The following CAMK1D variants were observed in gnomAD, a reference collection of about 807,000 sequenced individuals.
CAMK1D encodes calcium/calmodulin dependent protein kinase ID, also known as calcium/calmodulin-dependent protein kinase type 1D.
Under a neutral mutation model 47.7 loss-of-function variants are expected in CAMK1D, and 9 were observed. That is an observed-to-expected ratio of 0.19 (90% CI 0.11 to 0.33). The LOEUF (loss-of-function observed/expected upper bound fraction) is 0.33. Ranked by LOEUF, CAMK1D falls within the 10% of genes least tolerant of loss-of-function variation. CAMK1D has a pLI of 1.00. For missense variants in CAMK1D, 291 were observed against 488.7 expected, an observed-to-expected ratio of 0.60 and a Z score of 3.81; for synonymous variants, 184 against 184.9, an observed-to-expected ratio of 0.99 and a Z score of 0.04.
chr10:12,733,474 G>A (rs1046033373), intron 3 of CAMK1D, among the ~76,000 whole-genome samples: 1 of 152,172 alleles, frequency 6.6e-6, no homozygotes, highest in African/African-American at 2.4e-5. Flanking sequence ...AACACTTCCT[G>A]GCATAGAGTG....
chr10:12,735,873 T>G (rs1835164979), intron 3 of CAMK1D, among the ~76,000 whole-genome samples: 1 of 152,110 alleles, frequency 6.6e-6, no homozygotes, highest in Non-Finnish European at 1.5e-5. Flanking sequence ...GAGAGATGGC[T>G]GGCACCACAC....
At chr10:12,404,109 G>A (rs1206182251) in intron 1 of CAMK1D, among the ~76,000 whole-genome samples, 3 of 151,484 alleles carry the variant, frequency 2.0e-5, no homozygotes, top group Non-Finnish European at 2.9e-5. Flanking sequence ...GCAATGGTGT[G>A]ATCTCACCTC....
At chr10:12,643,928 T>C (rs1195837151) in intron 2 of CAMK1D, among the ~76,000 whole-genome samples, 1 of 151,840 alleles carries the variant, frequency 6.6e-6, no homozygotes, top group Non-Finnish European at 1.5e-5. Flanking sequence ...TGTTACTGTC[T>C]CCCATCACCC....
At chr10:12,508,533 A>G (rs1025144396) in intron 1 of CAMK1D, among the ~76,000 whole-genome samples, 1 of 152,230 alleles carries the variant, frequency 6.6e-6, no homozygotes, top group Non-Finnish European at 1.5e-5. Flanking sequence ...CACAGTTCCC[A>G]TTGGGAAGAT....
At chr10:12,667,169 T>C (rs1350226531) in intron 3 of CAMK1D, among the ~76,000 whole-genome samples, 3 of 152,224 alleles carry the variant, frequency 2.0e-5, no homozygotes, top group African/African-American at 7.2e-5. Context: ...TGCTCCTGTC[T>C]CTAGGAGAAA....
rs1024786663 is a variant in CAMK1D, at chr10:12,829,413, G to A, written c.*526G>A. On this transcript the variant is annotated 3_prime_UTR_variant, in exon 11 of 11. Transcript: ENST00000619168. ...AAGAGATTTGTTTTTCCTCAAAGGA[G>A]AATTTAAAGGTATTTTTTAAAATTC... 1.2e-4 allele frequency: 18 copies of A among 152,466 alleles called. No homozygotes were observed. The highest frequency in any genetic ancestry group is 4.1e-4 in the African/African-American group (17 of 41,394). The allele number at this position is 152,466 out of a possible 1,614,324, so 9.4% of individuals were successfully genotyped here. A position where few individuals can be genotyped will look rare whatever the true frequency, so the allele number is the denominator to read the frequency against.
intron 3 of CAMK1D, among the ~76,000 whole-genome samples, chr10:12,709,471 C>G (rs1833856066): frequency 6.6e-6 from 1 of 151,760 alleles, no homozygotes. Context: ...ATGACAGATA[C>G]AAAGAACTGA....
intron 2 of CAMK1D, among the ~76,000 whole-genome samples, chr10:12,664,116 C>T (rs914176610): frequency 6.6e-6 from 1 of 152,202 alleles, no homozygotes; most frequent in Non-Finnish European, 1.5e-5. Context: ...GCTCTGCTTT[C>T]TCTGAACTTA....
chr10:12,372,824 T>C (rs1261560332), intron 1 of CAMK1D, among the ~76,000 whole-genome samples: 1 of 152,156 alleles, frequency 6.6e-6, no homozygotes, highest in Non-Finnish European at 1.5e-5. Context: ...AGAGACTGGG[T>C]CTCACTGTCT....
chr10:12,734,369 T>A, intron 3 of CAMK1D, among the ~76,000 whole-genome samples: 1 of 10,180 alleles, frequency 9.8e-5, no homozygotes, highest in African/African-American at 3.5e-4. Flanking sequence ...TATATATATA[T>A]ATATATATAG....
intron 1 of CAMK1D, among the ~76,000 whole-genome samples, chr10:12,395,294 C>T (rs1838903280): frequency 1.3e-5 from 2 of 151,580 alleles, no homozygotes; most frequent in South Asian, 4.2e-4. Context: ...CTCAAGTGAT[C>T]CCCTTGACCT....
At chr10:12,588,866 A>ATATGTG (rs1554793247) in intron 2 of CAMK1D, among the ~76,000 whole-genome samples, 1 of 144,376 alleles carries the variant, frequency 6.9e-6, no homozygotes, top group African/African-American at 2.8e-5. Flanking sequence ...ATATGTATAT[A>ATATGTG]TGTGTGTGTG....
chr10:12,537,365 C>T (rs544429988), intron 1 of CAMK1D, among the ~76,000 whole-genome samples: 64 of 152,324 alleles, frequency 4.2e-4, no homozygotes, highest in Admixed American at 3.7e-3. Context: ...AACCACCGCA[C>T]CCAGCCTAAT....
chr10:12,810,196 AGTGTCCTTACC>A (rs1832544502), intron 6 of CAMK1D, among the ~76,000 whole-genome samples: 1 of 147,894 alleles, frequency 6.8e-6, no homozygotes. Context: ...TCACATGTTA[AGTGTCCTTACC>A]ACAAAATAAA....
intron 1 of CAMK1D, among the ~76,000 whole-genome samples, chr10:12,454,732 G>A (rs1833191292): frequency 6.6e-6 from 1 of 152,138 alleles, no homozygotes; most frequent in Admixed American, 6.5e-5. Flanking sequence ...AAAAGTGCTG[G>A]GATTACAGGT....
chr10:12,409,037 A>C (rs1839557297), intron 1 of CAMK1D, among the ~76,000 whole-genome samples: 1 of 151,630 alleles, frequency 6.6e-6, no homozygotes, highest in Non-Finnish European at 1.5e-5. Flanking sequence ...TTGTACTTTT[A>C]GTAGAGACGG....
intron 1 of CAMK1D, among the ~76,000 whole-genome samples, chr10:12,377,404 T>C (rs1244326899): frequency 1.3e-5 from 2 of 152,238 alleles, no homozygotes; most frequent in Non-Finnish European, 2.9e-5. Context: ...TGTCCTCTTA[T>C]ATGAGTGGAT....
At chr10:12,583,887 C>T (rs997561567) in intron 2 of CAMK1D, among the ~76,000 whole-genome samples, 1 of 152,088 alleles carries the variant, frequency 6.6e-6, no homozygotes, top group African/African-American at 2.4e-5. Context: ...TGTGAACCAC[C>T]ACACCTGGCT....
chr10:12,461,687 C>CAA lies in CAMK1D; in HGVS notation c.93-91519_93-91518dup, dbSNP rs57291391. On this transcript the variant is annotated intron_variant, in intron 1 of 10. Coordinates refer to ENST00000619168, the MANE Select transcript of CAMK1D (RefSeq NM_153498.4). ...CTGGTGACAGAGCGAGGCTTCATCT[C>CAA]AAAAAAAAAAAAAAAAAAAAGAAGC... Among the ~76,000 whole-genome samples the CAA allele has an allele frequency of 1.4e-4, 13 of 90,340 alleles. No homozygotes were observed. The South Asian group carries it at 2.2e-3, about 16-fold the overall frequency. The allele number at this position is 90,340 out of a possible 152,430, so 59.3% of individuals were successfully genotyped here. A position where few individuals can be genotyped will look rare whatever the true frequency, so the allele number is the denominator to read the frequency against.
Sources: gnomAD v4.1 joint callset for allele counts (sites outside exome capture counted in the v4.1 genomes callset) on GRCh38, gnomAD v4.1.1 for gene constraint, MANE v1.5 for transcripts, NCBI Gene and HGNC (gene_info 2026-07-23, HGNC 2026-07-21) for gene names.